SEMA6B: variants seen among roughly 807,000 people sequenced by gnomAD.
SEMA6B encodes the protein semaphorin 6B, also known as semaphorin-6B.
SEMA6B carries 47 observed loss-of-function variants against 78.6 expected under a neutral mutation model. The ratio of observed to expected loss-of-function variants is 0.60; its 90% confidence interval spans 0.47 to 0.76. The LOEUF (loss-of-function observed/expected upper bound fraction) is 0.76. Ranked by LOEUF, SEMA6B falls within the 30% of genes least tolerant of loss-of-function variation. The pLI, the probability that SEMA6B is intolerant of heterozygous loss-of-function variation, is 0.00. For missense variants in SEMA6B, 1,213 were observed against 1,269.9 expected, an observed-to-expected ratio of 0.96 and a Z score of 0.68; for synonymous variants, 632 against 592.2, an observed-to-expected ratio of 1.07 and a Z score of -0.98.
chr19:4,555,801 C>T lies in SEMA6B; in HGVS notation c.471+187G>A, dbSNP rs956387953. On this transcript the variant is annotated intron_variant, in intron 6 of 16. Transcript: ENST00000586582. This position sits in a 1 kb window ranked among gnomAD's most constrained non-coding sequence, Gnocchi z 6.1. ...CTAAGTAGCTACGGCTTCCCCGGCC[C>T]CCTGTACAGGCCTCGTTTGGACAGC... is the stretch of plus-strand genomic sequence containing the variant. Among the ~76,000 whole-genome samples, 2 of 152,322 alleles carry T rather than the reference C, an allele frequency of 1.3e-5. No homozygotes were observed.
At chr19:4,557,960 T>A in intron 3 of SEMA6B, 66 bp downstream of exon 3, 1 of 1,257,942 alleles carries the variant, frequency 7.9e-7, no homozygotes, top group Non-Finnish European at 1.0e-6. Context: ...TGCCCTCGCC[T>A]CCTCTCTCTC....
Position 4,554,458 on chromosome 19 carries a change from G to A in SEMA6B, c.701C>T (p.Ala234Val), listed in dbSNP as rs374698979. 140 of 1,613,552 alleles carry A rather than the reference G, an allele frequency of 8.7e-5. No homozygotes were observed. Among genetic ancestry groups the A allele is most frequent in the Non-Finnish European group, 1.1e-4 (134 of 1,179,846 alleles). Residue 234 changes from alanine (A) to valine (V), a missense_variant, in exon 9 of 17, where the codon GCG becomes GTG. Transcript: ENST00000586582. ...KWFKEPYFVH[A>V]VEWGSHVYFF... The stretch of plus-strand genomic sequence containing the variant: ...GTAGACATGGCTGCCCCACTCCACC[G>A]CATGGACAAAGTAAGGCTCTGCAGG...
At position 4,544,040 on chromosome 19, in the gene SEMA6B, G is replaced by A. The variant is rs1485837524; in HGVS notation, c.2228C>T (p.Pro743Leu). The A allele has an allele frequency of 2.5e-6, 3 of 1,219,736 alleles. No homozygotes were observed. Among genetic ancestry groups the A allele is most frequent in the Admixed American group, 4.4e-5 (1 of 22,874 alleles). The allele number at this position is 1,219,736 out of a possible 1,614,324, so 75.6% of individuals were successfully genotyped here. The change falls in exon 17 of 17, where the codon CCG becomes CTG. Residue 743 changes from proline (P) to leucine (L), a missense_variant. By Grantham distance (98) the Pro-to-Leu change is moderately conservative. Coordinates refer to ENST00000586582, the MANE Select transcript of SEMA6B (RefSeq NM_032108.4). This position sits in a 1 kb window ranked among gnomAD's most constrained non-coding sequence, Gnocchi z 5.1. The stretch of plus-strand genomic sequence containing the variant: ...CAGGAGGGAGGATGAAGCGGAGGCC[G>A]GGAGCAGGGGGTGGCCGTGGTCCCA... Reference protein sequence around the residue: ...RAWDHGHPLLPASASSSLLLL... With the variant: ...RAWDHGHPLLLASASSSLLLL...
chr19:4,542,821 T>C lies in SEMA6B; in HGVS notation c.*780A>G. 1 of 697,314 alleles carries C rather than the reference T, an allele frequency of 1.4e-6. No homozygotes were observed. Among genetic ancestry groups the C allele is most frequent in the Non-Finnish European group, 2.6e-6 (1 of 382,008 alleles). The allele number at this position is 697,314 out of a possible 1,614,324, so 43.2% of individuals were successfully genotyped here. On this transcript the variant is annotated 3_prime_UTR_variant, in exon 17 of 17. Coordinates refer to ENST00000586582, the MANE Select transcript of SEMA6B (RefSeq NM_032108.4). The stretch of plus-strand genomic sequence containing the variant: ...CAGGCCCCCAAGCCCTTTAGACAGC[T>C]GCTGCCGATGTGACTTCCGGGCAGG...
At chr19:4,546,053 G>T in intron 16 of SEMA6B, 163 bp downstream of exon 16, 1 of 667,998 alleles carries the variant, frequency 1.5e-6, no homozygotes, top group South Asian at 2.1e-5. Context: ...TTACAGGCGT[G>T]AGCCACCGCG....
At position 4,550,630 on chromosome 19, in the gene SEMA6B, C is replaced by T. The variant is rs1349149524; in HGVS notation, c.1121+169G>A. Among the ~76,000 whole-genome samples, 11 of 152,146 alleles carry T rather than the reference C, an allele frequency of 7.2e-5. No individual in the cohort carries two copies. Among genetic ancestry groups the T allele is most frequent in the African/African-American group, 2.2e-4 (9 of 41,460 alleles). ...CTGCCCACCTCCGCCTCCCAAAGGGCTAGGATTACAGGCGTGAGCCACCAC... is the reference window on the plus strand; with the variant it reads ...CTGCCCACCTCCGCCTCCCAAAGGGTTAGGATTACAGGCGTGAGCCACCAC... On this transcript the variant is annotated intron_variant, in intron 11 of 16. Coordinates refer to ENST00000586582, the MANE Select transcript of SEMA6B (RefSeq NM_032108.4). This position sits in a 1 kb window ranked among gnomAD's most constrained non-coding sequence, Gnocchi z 6.6.
At position 4,548,139 on chromosome 19, in the gene SEMA6B, G is replaced by A. The variant is rs755811451; in HGVS notation, c.1489C>T (p.Arg497Trp). 6.9e-6 allele frequency: 11 copies of A among 1,591,308 alleles called. No homozygotes were observed. The highest frequency in any genetic ancestry group is 2.3e-5 in the East Asian group (1 of 44,216). ...GRPGGGETGQ[R>W]LLSLELDAAS... Reference sequence around the variant, plus strand: ...GCGTCCAGCTCCAAGCTCAGCAGCCGCTGCCCTGTCTCGCCACCGCCGGGC... The same window carrying A: ...GCGTCCAGCTCCAAGCTCAGCAGCCACTGCCCTGTCTCGCCACCGCCGGGC... Residue 497 changes from arginine (R) to tryptophan (W), a missense_variant, in exon 14 of 17, where the codon CGG becomes TGG. Arg to Trp is a moderately radical substitution (Grantham distance 101). Transcript: ENST00000586582.
chr19:4,556,532 G>T (rs1218608089), intron 5 of SEMA6B, among the ~76,000 whole-genome samples: 1 of 144,572 alleles, frequency 6.9e-6, no homozygotes, highest in Non-Finnish European at 1.5e-5. Context: ...GGGGGCGTGG[G>T]GGGCGGCAGG....
chr19:4,544,152 GC>G lies in SEMA6B; in HGVS notation c.2115del (p.Leu706CysfsTer124). 2 of 1,273,476 alleles carry G rather than the reference GC, an allele frequency of 1.6e-6. No individual in the cohort carries two copies. Among genetic ancestry groups the G allele is most frequent in the Admixed American group, 4.2e-5 (1 of 23,900 alleles). 78.9% of individuals were successfully genotyped at this position (1,273,476 alleles called of 1,614,324 possible). ...LQGGPHDLDS[G>X]LLPTPEQTPL... is the part of the protein sequence containing the mutation. ...GGCGTCTGCTCGGGCGTGGGCAGCAGCCCCGAGTCCAGGTCGTGGGGCCCGC... is the reference window on the plus strand; with the variant it reads ...GGCGTCTGCTCGGGCGTGGGCAGCAGCCCGAGTCCAGGTCGTGGGGCCCGC... On this transcript the variant is annotated frameshift_variant, in exon 17 of 17. Coordinates refer to ENST00000586582, the MANE Select transcript of SEMA6B (RefSeq NM_032108.4). LOFTEE classifies it high-confidence loss of function. The surrounding 1 kb of genome is among the most constrained non-coding windows in gnomAD (Gnocchi z 5.1).
rs752302781 is a variant in SEMA6B, at chr19:4,544,207, G to A, written c.2061C>T (p.Asn687=). ...GCAGCAGCGTGGCCTTGGCCCAGCC[G>A]TTCTGCATCAGGGGCGCCAGCAGGG... ...PEALLAPLMQ[N]GWAKATLLQG... Residue 687 remains asparagine, a synonymous_variant, in exon 17 of 17, where the codon AAC becomes AAT. Transcript: ENST00000586582. The surrounding 1 kb of genome is among the most constrained non-coding windows in gnomAD (Gnocchi z 5.1). The A allele has an allele frequency of 1.9e-5, 24 of 1,274,058 alleles. No individual in the cohort carries two copies. In the South Asian group the frequency reaches 4.1e-4, roughly 22 times the overall value. The allele number at this position is 1,274,058 out of a possible 1,614,324, so 78.9% of individuals were successfully genotyped here. A position where few individuals can be genotyped will look rare whatever the true frequency, so the allele number is the denominator to read the frequency against.
In SEMA6B at chr19:4,550,324, G is replaced by A; in HGVS notation, c.1122-52C>T. Reference sequence around the variant, plus strand: ...ACGAACGTAAAGGTTCTCATAAAGGGGCCTGATTCACCAGAGGTACCCATT... The same window carrying A: ...ACGAACGTAAAGGTTCTCATAAAGGAGCCTGATTCACCAGAGGTACCCATT... On this transcript the variant is annotated intron_variant, in intron 11 of 16. Transcript: ENST00000586582. This position sits in a 1 kb window ranked among gnomAD's most constrained non-coding sequence, Gnocchi z 6.6. The A allele has an allele frequency of 7.5e-6, 12 of 1,594,936 alleles. No homozygotes were observed. The highest frequency in any genetic ancestry group is 1.0e-5 in the Non-Finnish European group (12 of 1,165,248).
At chr19:4,557,956 C>T in intron 3 of SEMA6B, 70 bp downstream of exon 3, 1 of 1,252,298 alleles carries the variant, frequency 8.0e-7, no homozygotes, top group Non-Finnish European at 1.0e-6. Context: ...TCCCTGCCCT[C>T]GCCTCCTCTC....
rs1977226111 is a variant in SEMA6B, at chr19:4,548,310, A to G, written c.1407T>C (p.Ser469=). ...ACTCCTCCAGGAAGACACTGAGCCC[A>G]GACGTCCCTGAGGTGCTGGCATTGG... The part of the protein sequence containing the change: ...VRPNASTSGT[S]GLSVFLEEFE... The change falls in exon 13 of 17, where the codon TCT becomes TCC. Residue 469 remains serine (S), a synonymous_variant. Coordinates refer to ENST00000586582, the MANE Select transcript of SEMA6B (RefSeq NM_032108.4). The G allele has an allele frequency of 6.2e-7, 1 of 1,613,882 alleles. No homozygotes were observed. The highest frequency in any genetic ancestry group is 8.5e-7 in the Non-Finnish European group (1 of 1,179,960).
At chr19:4,551,500 G>A (rs1034025169) in intron 10 of SEMA6B, among the ~76,000 whole-genome samples, 3 of 151,474 alleles carry the variant, frequency 2.0e-5, no homozygotes, top group East Asian at 2.0e-4. Flanking sequence ...GATTACAGGC[G>A]AAGCCACCGT....
Position 4,555,569 on chromosome 19 carries a change from A to C in SEMA6B, c.472-5T>G, listed in dbSNP as rs538726611. On this transcript the variant is annotated splice_polypyrimidine_tract_variant and splice_region_variant and intron_variant, in intron 6 of 16. Transcript: ENST00000586582. The surrounding 1 kb of genome is among the most constrained non-coding windows in gnomAD (Gnocchi z 6.1). ...GACGGGCTGCAGGGTGTCTATCTGCAGGGACCATGGGGCCTGAGTGACAGA... is the reference window on the plus strand; with the variant it reads ...GACGGGCTGCAGGGTGTCTATCTGCCGGGACCATGGGGCCTGAGTGACAGA... The C allele has an allele frequency of 6.2e-7, 1 of 1,612,330 alleles. No homozygotes were observed. Among genetic ancestry groups the C allele is most frequent in the South Asian group, 1.1e-5 (1 of 90,996 alleles).
chr19:4,543,817 G>T lies in SEMA6B; in HGVS notation c.2451C>A (p.Leu817=). The part of the protein sequence containing the change: ...PLDPASAADG[L]PRPWSPPPTG... ...TCGGGGGCGGGCTCCAGGGCCGCGG[G>T]AGGCCATCGGCGGCTGAGGCTGGGT... The change falls in exon 17 of 17, where the codon CTC becomes CTA. Residue 817 remains leucine, a synonymous_variant. Transcript: ENST00000586582. 8.2e-7 allele frequency: 1 copy of T among 1,216,414 alleles called. No homozygotes were observed. Among genetic ancestry groups the T allele is most frequent in the Non-Finnish European group, 1.0e-6 (1 of 978,256 alleles). The allele number at this position is 1,216,414 out of a possible 1,614,324, so 75.4% of individuals were successfully genotyped here.
In SEMA6B at chr19:4,548,071, G is replaced by A; in HGVS notation, c.1557C>T (p.Val519=). The change falls in exon 14 of 17, where the codon GTC becomes GTT. Residue 519 remains valine, a synonymous_variant. Transcript: ENST00000586582. Reference sequence around the variant, plus strand: ...GCTGGCAGCGAGCCACAGGCACTCGGACCACGCAGCGGGGGAAGGCAGCCA... The same window carrying A: ...GCTGGCAGCGAGCCACAGGCACTCGAACCACGCAGCGGGGGAAGGCAGCCA... ...GLLAAFPRCV[V]RVPVARCQQY... The A allele has an allele frequency of 6.3e-7, 1 of 1,589,482 alleles. No individual in the cohort carries two copies. The highest frequency in any genetic ancestry group is 1.1e-5 in the South Asian group (1 of 90,078).
chr19:4,549,568 T>C (rs1977265288), intron 12 of SEMA6B, among the ~76,000 whole-genome samples: 1 of 152,210 alleles, frequency 6.6e-6, no homozygotes, highest in Non-Finnish European at 1.5e-5. Flanking sequence ...AAGCTCCGCC[T>C]CCCGGGTTCA....
chr19:4,557,244 G>A (rs1352115225), intron 3 of SEMA6B, 21 bp from the exon 4 acceptor site: 1 of 1,551,072 alleles, frequency 6.4e-7, no homozygotes, highest in Admixed American at 1.9e-5. Context: ...GGCATAGTTA[G>A]TGAGAACTGG....
Sources: allele counts gnomAD v4.1 joint callset (sites outside exome capture counted in the v4.1 genomes callset), GRCh38; gene constraint gnomAD v4.1.1; non-coding constraint Gnocchi (gnomAD v3.1); transcripts MANE v1.5; gene names NCBI Gene and HGNC (gene_info 2026-07-23, HGNC 2026-07-21).